The following CFAP299 variants were observed in gnomAD, a reference collection of about 807,000 sequenced individuals.
CFAP299 encodes cilia and flagella associated protein 299.
A neutral mutation model predicts 27.0 loss-of-function variants in CFAP299; 21 were observed. The observed-to-expected ratio is 0.78, with a 90% CI of 0.55 to 1.12. The LOEUF (loss-of-function observed/expected upper bound fraction) is 1.12. Ranked by LOEUF, CFAP299 falls within the 50% of genes most tolerant of loss-of-function variation. The pLI is 0.00. For missense variants in CFAP299, 310 were observed against 276.6 expected (o/e 1.12, Z -0.86); for synonymous variants, 104 against 98.1 (o/e 1.06, Z -0.36).
At chr4:80,515,168 A>G (rs995791976) in intron 2 of CFAP299, among the ~76,000 whole-genome samples, 1 of 152,158 alleles carries the variant, frequency 6.6e-6, no homozygotes, top group Non-Finnish European at 1.5e-5. Flanking sequence ...AATTATTTCC[A>G]TGTTCCCACC....
Position 80,905,850 on chromosome 4 carries a change from G to A in CFAP299, c.476+35715G>A, listed in dbSNP as rs183548664. 4.1e-3 allele frequency among the ~76,000 whole-genome samples: 618 copies of A among 152,218 alleles called. 1 individual carries two copies. The highest frequency in any genetic ancestry group is 0.014 in the Middle Eastern group (4 of 294). On this transcript the variant is annotated intron_variant, in intron 4 of 5. Transcript: ENST00000358105. ...TCCTCCCATGACGTGGGGATTATGG[G>A]AACTACAATTCAAGATGATATTTGG... is the stretch of plus-strand genomic sequence containing the variant.
chr4:80,391,662 A>G (rs568132964), intron 2 of CFAP299, among the ~76,000 whole-genome samples: 1 of 152,214 alleles, frequency 6.6e-6, no homozygotes, highest in Non-Finnish European at 1.5e-5. Context: ...CTGTGCTGCC[A>G]GTCATATAAA....
intron 3 of CFAP299, among the ~76,000 whole-genome samples, chr4:80,773,776 C>T (rs749551395): frequency 6.6e-6 from 1 of 151,846 alleles, no homozygotes; most frequent in Non-Finnish European, 1.5e-5. Context: ...ATTAAGTGTA[C>T]ATTTGAGTAA....
chr4:80,665,153 G>C (rs1247825413), intron 3 of CFAP299, among the ~76,000 whole-genome samples: 1 of 152,186 alleles, frequency 6.6e-6, no homozygotes. Flanking sequence ...GGGAACTGCA[G>C]ACCGGAGCTG....
At chr4:80,929,789 T>C (rs1207413378) in intron 4 of CFAP299, among the ~76,000 whole-genome samples, 1 of 152,162 alleles carries the variant, frequency 6.6e-6, no homozygotes, top group Non-Finnish European at 1.5e-5. Context: ...CCTTATTACC[T>C]GCAGAATAAA....
intron 3 of CFAP299, among the ~76,000 whole-genome samples, chr4:80,807,610 G>C (rs1201625868): frequency 6.6e-6 from 1 of 151,948 alleles, no homozygotes; most frequent in Non-Finnish European, 1.5e-5. Context: ...AAGGTCTCTG[G>C]TACCTTTCAA....
At position 80,462,772 on chromosome 4, in the gene CFAP299, C is replaced by T. The variant is rs138225579; in HGVS notation, c.242+99888C>T. Among the ~76,000 whole-genome samples the T allele has an allele frequency of 2.5e-3, 378 of 152,200 alleles. 1 individual carries two copies. Among genetic ancestry groups the T allele is most frequent in the Non-Finnish European group, 3.6e-3 (247 of 68,004 alleles). On this transcript the variant is annotated intron_variant, in intron 2 of 5. Transcript: ENST00000358105. ...GGAGATGCTTCAAATTCAACATGTC[C>T]CAAAGGGCCCTCATTAGTCTATTAC...
At chr4:80,859,005 TG>T (rs1190772660) in intron 3 of CFAP299, among the ~76,000 whole-genome samples, 1 of 152,196 alleles carries the variant, frequency 6.6e-6, no homozygotes, top group Non-Finnish European at 1.5e-5. Context: ...ATGTTGACAG[TG>T]GGGTGTCAAA....
chr4:80,761,158 T>C (rs1248772596), intron 3 of CFAP299, among the ~76,000 whole-genome samples: 2 of 152,220 alleles, frequency 1.3e-5, no homozygotes, highest in Non-Finnish European at 2.9e-5. Flanking sequence ...TTAATTGGTA[T>C]TATTGCCTCA....
At chr4:80,340,786 ATT>A (rs111471993) in intron 1 of CFAP299, among the ~76,000 whole-genome samples, 1 of 134,232 alleles carries the variant, frequency 7.4e-6, no homozygotes. Context: ...TTATTTTATT[ATT>A]TTTTTTTTTG....
intron 2 of CFAP299, among the ~76,000 whole-genome samples, chr4:80,495,664 T>G (rs1043493490): frequency 1.1e-4 from 17 of 152,204 alleles, no homozygotes; most frequent in Non-Finnish European, 4.4e-5. Flanking sequence ...ATTAGCTAGA[T>G]GTATTACGCT....
chr4:80,578,674 A>G (rs945293072), intron 2 of CFAP299, among the ~76,000 whole-genome samples: 4 of 152,202 alleles, frequency 2.6e-5, no homozygotes, highest in Admixed American at 6.5e-5. Context: ...CAAGTTTTAC[A>G]TCTGCTATTG....
intron 3 of CFAP299, among the ~76,000 whole-genome samples, chr4:80,740,450 C>T (rs555756925): frequency 6.6e-6 from 1 of 152,216 alleles, no homozygotes; most frequent in South Asian, 2.1e-4. Flanking sequence ...TTGTTCTTTT[C>T]CCTTACTTTC....
chr4:80,775,133 G>T (rs1275446838), intron 3 of CFAP299, among the ~76,000 whole-genome samples: 1 of 151,014 alleles, frequency 6.6e-6, no homozygotes, highest in African/African-American at 2.4e-5. Flanking sequence ...ATGGCATAGG[G>T]ATATGCTTAT....
intron 2 of CFAP299, among the ~76,000 whole-genome samples, chr4:80,575,230 T>C (rs1331145881): frequency 6.6e-6 from 1 of 152,128 alleles, no homozygotes; most frequent in African/African-American, 2.4e-5. Context: ...TTCATGTGGG[T>C]TTTCCAATTT....
intron 2 of CFAP299, among the ~76,000 whole-genome samples, chr4:80,504,506 T>TATATATA (rs57743936): frequency 2.7e-3 from 344 of 126,182 alleles, no homozygotes; most frequent in East Asian, 3.8e-3. Flanking sequence ...TATATATATA[T>TATATATA]TTTCCTTTGA....
At chr4:80,386,872 A>G in intron 2 of CFAP299, 1 of 860,566 alleles carries the variant, frequency 1.2e-6, no homozygotes, top group Non-Finnish European at 2.0e-6. Flanking sequence ...TTGAGGTTGA[A>G]TGCGGACTCG....
intron 3 of CFAP299, among the ~76,000 whole-genome samples, chr4:80,667,174 TG>T (rs1032419181): frequency 2.0e-5 from 3 of 152,188 alleles, no homozygotes; most frequent in East Asian, 1.9e-4. Flanking sequence ...TTGAATTATT[TG>T]TTTTTTTATG....
intron 3 of CFAP299, among the ~76,000 whole-genome samples, chr4:80,781,252 ATTG>A (rs1726861016): frequency 6.6e-6 from 1 of 152,022 alleles, no homozygotes. Flanking sequence ...TTTTATTAAT[ATTG>A]TTGATCCTTA....
Sources: gnomAD v4.1 joint callset for allele counts (sites outside exome capture counted in the v4.1 genomes callset) on GRCh38, gnomAD v4.1.1 for gene constraint, MANE v1.5 for transcripts, NCBI Gene and HGNC (gene_info 2026-07-23, HGNC 2026-07-21) for gene names.